Variants in MGMT observed in about 807,000 individuals in gnomAD.
The protein encoded by MGMT is O-6-methylguanine-DNA methyltransferase.
Under a neutral mutation model 15.9 loss-of-function variants are expected in MGMT, and 14 were observed. The observed-to-expected ratio is 0.88, with a 90% confidence interval of 0.58 to 1.37. MGMT has a LOEUF of 1.37. Among genes scored for constraint, MGMT ranks in the 40% most tolerant of loss-of-function variants. The pLI is 0.00. For synonymous variants in MGMT, 130 were observed against 118.2 expected, an observed-to-expected ratio of 1.10 and a Z score of -0.65; for missense variants, 282 against 268.1, an observed-to-expected ratio of 1.05 and a Z score of -0.36.
At chr10:129,558,940 G>T (rs547153553) in intron 2 of MGMT, among the ~76,000 whole-genome samples, 1 of 152,314 alleles carries the variant, frequency 6.6e-6, no homozygotes, top group East Asian at 1.9e-4. Context: ...TGGGGGCGGC[G>T]TGTGCTCTCA....
chr10:129,661,345 T>A (rs1161489920), intron 2 of MGMT, among the ~76,000 whole-genome samples: 1 of 152,190 alleles, frequency 6.6e-6, no homozygotes, highest in East Asian at 1.9e-4. Flanking sequence ...CATTTAAATG[T>A]TCACGGATGC....
At chr10:129,690,197 C>A (rs1408402320) in intron 2 of MGMT, among the ~76,000 whole-genome samples, 1 of 152,160 alleles carries the variant, frequency 6.6e-6, no homozygotes, top group Admixed American at 6.5e-5. Context: ...TTCCATGTGT[C>A]TTAAGTGGTT....
intron 2 of MGMT, among the ~76,000 whole-genome samples, chr10:129,590,760 G>A (rs1051999743): frequency 1.3e-5 from 2 of 152,192 alleles, no homozygotes; most frequent in Non-Finnish European, 2.9e-5. Context: ...CAGTTTACTG[G>A]CACTTTAAAT....
chr10:129,496,307 G>T (rs1845520686), intron 1 of MGMT, among the ~76,000 whole-genome samples: 1 of 152,238 alleles, frequency 6.6e-6, no homozygotes, highest in African/African-American at 2.4e-5. Context: ...CCTGGGTGTT[G>T]TATGCTATTT....
At chr10:129,574,904 T>C (rs1269221104) in intron 2 of MGMT, among the ~76,000 whole-genome samples, 4 of 152,170 alleles carry the variant, frequency 2.6e-5, no homozygotes, top group Non-Finnish European at 4.4e-5. Context: ...TCCCAGCAGA[T>C]AATTAATCTA....
chr10:129,509,074 C>T (rs892286000), intron 1 of MGMT, among the ~76,000 whole-genome samples: 5 of 152,162 alleles, frequency 3.3e-5, no homozygotes, highest in Middle Eastern at 3.2e-3. Flanking sequence ...GGAGCAGTTG[C>T]GTCATTTCCG....
rs1427579401 is a variant in MGMT, at chr10:129,533,703, A to T, written c.-12-2538A>T. Among the ~76,000 whole-genome samples the T allele has an allele frequency of 2.0e-5, 3 of 152,058 alleles. No homozygotes were observed. The highest frequency in any genetic ancestry group is 4.8e-5 in the African/African-American group (2 of 41,376). ...GGTAATTCAGTTCCACAAGTATTTT[A>T]TGAGCCCCTTGTGTGTGTGATGTGT... On this transcript the variant is annotated intron_variant, in intron 1 of 4. Coordinates refer to ENST00000651593, the MANE Select transcript of MGMT (RefSeq NM_002412.5). This position sits in a 1 kb window ranked among gnomAD's most constrained non-coding sequence, Gnocchi z 4.5.
At chr10:129,478,741 C>T (rs1259240455) in intron 1 of MGMT, among the ~76,000 whole-genome samples, 2 of 152,208 alleles carry the variant, frequency 1.3e-5, no homozygotes, top group African/African-American at 4.8e-5. Flanking sequence ...TTGGGGGGCC[C>T]AGCTGTGCAG....
chr10:129,476,159 G>A (rs76122466), intron 1 of MGMT, among the ~76,000 whole-genome samples: 2,357 of 152,266 alleles, frequency 0.015, 30 homozygotes, highest in Non-Finnish European at 0.022. Context: ...TGGTTCTCCG[G>A]AAGCATGGGC....
At chr10:129,629,602 C>T (rs1054557611) in intron 2 of MGMT, among the ~76,000 whole-genome samples, 1 of 152,194 alleles carries the variant, frequency 6.6e-6, no homozygotes, top group Non-Finnish European at 1.5e-5. Flanking sequence ...GGCACCTTCG[C>T]GTTGATCATC....
intron 2 of MGMT, among the ~76,000 whole-genome samples, chr10:129,575,247 C>T (rs1846466472): frequency 6.6e-6 from 1 of 152,148 alleles, no homozygotes; most frequent in South Asian, 2.1e-4. Context: ...TTCAGCACCA[C>T]ACCACACCTA....
At chr10:129,498,409 C>T (rs989724367) in intron 1 of MGMT, among the ~76,000 whole-genome samples, 20 of 152,328 alleles carry the variant, frequency 1.3e-4, no homozygotes, top group Middle Eastern at 3.4e-3. Context: ...TATTACTGTA[C>T]TGTTTCCCTA....
At chr10:129,624,706 G>A (rs1261785139) in intron 2 of MGMT, among the ~76,000 whole-genome samples, 2 of 152,184 alleles carry the variant, frequency 1.3e-5, no homozygotes, top group African/African-American at 4.8e-5. Context: ...CCAGTGCGGC[G>A]GCGAGGACTT....
At chr10:129,696,027 C>T (rs1848027891) in intron 2 of MGMT, among the ~76,000 whole-genome samples, 1 of 152,124 alleles carries the variant, frequency 6.6e-6, no homozygotes, top group East Asian at 1.9e-4. Flanking sequence ...GATGAGAAGG[C>T]ATGCCTACAG....
chr10:129,520,381 C>A (rs1274213630), intron 1 of MGMT, among the ~76,000 whole-genome samples: 1 of 152,054 alleles, frequency 6.6e-6, no homozygotes, highest in Non-Finnish European at 1.5e-5. Context: ...ATGCACGTGT[C>A]CTAAAGCATC....
At chr10:129,709,499 G>T (rs970331831) in intron 3 of MGMT, among the ~76,000 whole-genome samples, 1 of 152,142 alleles carries the variant, frequency 6.6e-6, no homozygotes, top group Non-Finnish European at 1.5e-5. Flanking sequence ...TTGGGGGTTC[G>T]CCTGCCAGGA....
At position 129,538,418 on chromosome 10, in the gene MGMT, C is replaced by T. The variant is rs182302445; in HGVS notation, c.125+2041C>T. Among the ~76,000 whole-genome samples, 280 of 152,258 alleles carry T rather than the reference C, an allele frequency of 1.8e-3. 2 individuals are homozygous for T. The highest frequency in any genetic ancestry group is 6.6e-3 in the African/African-American group (274 of 41,550). On this transcript the variant is annotated intron_variant, in intron 2 of 4. Coordinates refer to ENST00000651593, the MANE Select transcript of MGMT (RefSeq NM_002412.5). ...GAAATTGCCAAAACTTTCTTCAGAG[C>T]GGGATGGAATTTCCACTAGCAGTGT...
intron 1 of MGMT, among the ~76,000 whole-genome samples, chr10:129,471,780 G>T (rs1466193941): frequency 6.6e-6 from 1 of 152,106 alleles, no homozygotes; most frequent in African/African-American, 2.4e-5. Context: ...AAGGCCTTAG[G>T]ATCCTCTGGG....
chr10:129,588,773 C>G (rs117514540), intron 2 of MGMT, among the ~76,000 whole-genome samples: 6 of 152,250 alleles, frequency 3.9e-5, no homozygotes, highest in South Asian at 2.1e-4. Context: ...TTGGAAAACA[C>G]GCAGCATCAT....
Sources: allele counts gnomAD v4.1 joint callset (sites outside exome capture counted in the v4.1 genomes callset), GRCh38; gene constraint gnomAD v4.1.1; non-coding constraint Gnocchi (gnomAD v3.1); transcripts MANE v1.5; gene names NCBI Gene and HGNC (gene_info 2026-07-23, HGNC 2026-07-21).